Variants in PKIB observed in about 807,000 individuals in gnomAD.
The protein encoded by PKIB is PKI-beta.
A neutral mutation model predicts 4.5 loss-of-function variants in PKIB; 2 were observed. That is an observed-to-expected ratio of 0.44 (90% CI 0.18 to 1.39). The LOEUF (loss-of-function observed/expected upper bound fraction) is 1.39, where lower values mean the gene tolerates loss of function less well. PKIB is among the 40% of genes most tolerant of loss of function. PKIB has a pLI of 0.27. For missense variants in PKIB, 94 were observed against 92.6 expected, an observed-to-expected ratio of 1.02 and a Z score of -0.06; for synonymous variants, 38 against 36.0, an observed-to-expected ratio of 1.06 and a Z score of -0.20.
intron 2 of PKIB, among the ~76,000 whole-genome samples, chr6:122,576,710 A>ATATATATATATTTT (rs59569106): frequency 1.4e-4 from 15 of 109,986 alleles, no homozygotes; most frequent in East Asian, 6.4e-4. Context: ...ATATATATAT[A>ATATATATATATTTT]TTTTCTTTTG....
intron 2 of PKIB, among the ~76,000 whole-genome samples, chr6:122,636,616 ATGT>A (rs1775927302): frequency 6.6e-6 from 1 of 152,120 alleles, no homozygotes; most frequent in Admixed American, 6.6e-5. Flanking sequence ...AGAATAATAG[ATGT>A]TGTACACGTT....
At chr6:122,606,907 C>G (rs556690317), upstream of PKIB, among the ~76,000 whole-genome samples, 3 of 151,808 alleles carry the variant, frequency 2.0e-5, no homozygotes, top group Non-Finnish European at 2.9e-5. Flanking sequence ...ATCTCTTGGT[C>G]TTCCCTCAAA....
chr6:122,669,828 C>T (rs1199644536), intron 2 of PKIB, among the ~76,000 whole-genome samples: 1 of 152,216 alleles, frequency 6.6e-6, no homozygotes, highest in African/African-American at 2.4e-5. Flanking sequence ...TCACCACATT[C>T]CATGGATTTT....
chr6:122,518,964 A>G (rs952195092), intron 2 of PKIB, among the ~76,000 whole-genome samples: 1 of 152,182 alleles, frequency 6.6e-6, no homozygotes, highest in African/African-American at 2.4e-5. Context: ...CACTTTGGGG[A>G]ATGTACCATC....
chr6:122,659,883 A>T (rs1404384459), intron 2 of PKIB, among the ~76,000 whole-genome samples: 4 of 152,176 alleles, frequency 2.6e-5, no homozygotes, highest in Non-Finnish European at 4.4e-5. Flanking sequence ...AAAATGGAAA[A>T]AAAACAAGGA....
chr6:122,661,603 G>A (rs1776993668), intron 2 of PKIB, among the ~76,000 whole-genome samples: 1 of 151,986 alleles, frequency 6.6e-6, no homozygotes. Flanking sequence ...CAGTGATGAT[G>A]GACATTTGTG....
At chr6:122,552,346 C>T (rs1772699139) in intron 2 of PKIB, among the ~76,000 whole-genome samples, 1 of 152,004 alleles carries the variant, frequency 6.6e-6, no homozygotes, top group Non-Finnish European at 1.5e-5. Flanking sequence ...AGCATCTCCA[C>T]ATCTCAGGCA....
At chr6:122,625,432 T>C (rs972614480) in intron 1 of PKIB, among the ~76,000 whole-genome samples, 13 of 152,254 alleles carry the variant, frequency 8.5e-5, no homozygotes, top group African/African-American at 2.9e-4. Context: ...GATAAAAAAT[T>C]TGCCCATGAA....
At chr6:122,609,501 A>G (rs1387926129), upstream of PKIB, among the ~76,000 whole-genome samples, 3 of 152,266 alleles carry the variant, frequency 2.0e-5, no homozygotes, top group Non-Finnish European at 4.4e-5. Context: ...TTTTGCCTAA[A>G]AAGGGAATTT....
intron 2 of PKIB, among the ~76,000 whole-genome samples, chr6:122,514,712 A>G (rs1431120031): frequency 6.6e-6 from 1 of 152,098 alleles, no homozygotes; most frequent in African/African-American, 2.4e-5. Context: ...TTTGTTTCTC[A>G]AGTCCTTTTA....
chr6:122,559,118 T>A (rs1196247813), intron 2 of PKIB, among the ~76,000 whole-genome samples: 1 of 151,944 alleles, frequency 6.6e-6, no homozygotes, highest in Non-Finnish European at 1.5e-5. Flanking sequence ...CCATCATATA[T>A]ATATGACAAA....
chr6:122,509,645 A>G (rs1450217405), intron 2 of PKIB, among the ~76,000 whole-genome samples: 1 of 151,864 alleles, frequency 6.6e-6, no homozygotes, highest in Non-Finnish European at 1.5e-5. Flanking sequence ...GTTAGCCAGG[A>G]TGGTGTCGAT....
intron 2 of PKIB, among the ~76,000 whole-genome samples, chr6:122,575,641 A>G (rs1773508624): frequency 6.6e-6 from 1 of 152,202 alleles, no homozygotes; most frequent in African/African-American, 2.4e-5. Context: ...GTGAGAGGCC[A>G]TTATTCTAAG....
chr6:122,525,674 A>C (rs139505367), intron 2 of PKIB, among the ~76,000 whole-genome samples: 1 of 152,200 alleles, frequency 6.6e-6, no homozygotes, highest in African/African-American at 2.4e-5. Context: ...AAAATACTCT[A>C]TGGCTAAAAA....
At chr6:122,595,784 C>G (rs1774159873) in intron 3 of PKIB, among the ~76,000 whole-genome samples, 2 of 152,212 alleles carry the variant, frequency 1.3e-5, no homozygotes, top group Non-Finnish European at 2.9e-5. Flanking sequence ...ATCCCTGCCA[C>G]TATGGCCACT....
chr6:122,605,339 A>G (rs938482705), upstream of PKIB, among the ~76,000 whole-genome samples: 1 of 152,228 alleles, frequency 6.6e-6, no homozygotes, highest in Non-Finnish European at 1.5e-5. Context: ...CAGAAAGAAG[A>G]AAAAGCCAGA....
intron 4 of PKIB, among the ~76,000 whole-genome samples, chr6:122,724,127 G>A (rs1779850337): frequency 6.6e-6 from 1 of 152,142 alleles, no homozygotes; most frequent in South Asian, 2.1e-4. Context: ...ACAAAAGAGG[G>A]ATACCTTTTA....
At chr6:122,604,091 T>A (rs1308655710) in intron 3 of PKIB, among the ~76,000 whole-genome samples, 1 of 152,172 alleles carries the variant, frequency 6.6e-6, no homozygotes, top group Non-Finnish European at 1.5e-5. Flanking sequence ...GTTAGTTGGT[T>A]AGGGTTAGCA....
At position 122,603,487 on chromosome 6, in the gene PKIB, C is replaced by CT. The variant is rs1025423864; in HGVS notation, c.-161+17489dup. On this transcript the variant is annotated intron_variant, in intron 3 of 6. Coordinates refer to the PKIB transcript ENST00000392491. The stretch of plus-strand genomic sequence containing the variant: ...AAATTTGAAAGACATTTCTTTTTTT[C>CT]TTTTTTTTTGAGACAGAGTCTCACT... Among the ~76,000 whole-genome samples, 399 of 151,034 alleles carry CT rather than the reference C, an allele frequency of 2.6e-3. 1 individual carries two copies. The highest frequency in any genetic ancestry group is 9.1e-3 in the African/African-American group (375 of 41,208).
Sources: gnomAD v4.1 joint callset for allele counts (sites outside exome capture counted in the v4.1 genomes callset) on GRCh38, gnomAD v4.1.1 for gene constraint, MANE v1.5 for transcripts, NCBI Gene and HGNC (gene_info 2026-07-23, HGNC 2026-07-21) for gene names.